TRHDE: variants seen among roughly 807,000 people sequenced by gnomAD.
The protein encoded by TRHDE is thyrotropin-releasing hormone-degrading ectoenzyme.
In TRHDE, 72 loss-of-function variants were observed where a neutral mutation model predicts 125.7. The ratio of observed to expected loss-of-function variants is 0.57; its 90% CI spans 0.47 to 0.70. The LOEUF is 0.70. Among genes scored for constraint, TRHDE ranks in the 30% least tolerant of loss-of-function variants. The probability of loss-of-function intolerance (pLI) is 0.00; values close to 1 mark genes in which losing one functional copy is unlikely to be tolerated. For missense variants in TRHDE, 1,110 were observed against 1,327.1 expected (o/e 0.84, Z 2.54); for synonymous variants, 509 against 509.1 (o/e 1.00, Z 0.00).
intron 12 of TRHDE, among the ~76,000 whole-genome samples, chr12:72,592,871 C>T (rs778047930): frequency 9.9e-5 from 15 of 152,088 alleles, no homozygotes; most frequent in South Asian, 2.1e-4. Context: ...CCACTATGCC[C>T]GGCTAATTTT....
intron 3 of TRHDE, among the ~76,000 whole-genome samples, chr12:72,384,096 A>C (rs1872311934): frequency 6.6e-6 from 1 of 152,230 alleles, no homozygotes; most frequent in Admixed American, 6.5e-5. Context: ...TAGGTGCACT[A>C]TAGTTAATTA....
At chr12:72,344,865 G>A (rs947816795) in intron 2 of TRHDE, among the ~76,000 whole-genome samples, 1 of 151,878 alleles carries the variant, frequency 6.6e-6, no homozygotes, top group African/African-American at 2.4e-5. Flanking sequence ...TGTCCCCTAG[G>A]GGCACACACT....
intron 7 of TRHDE, among the ~76,000 whole-genome samples, chr12:72,554,678 T>G (rs1170121518): frequency 1.3e-5 from 2 of 152,150 alleles, no homozygotes; most frequent in East Asian, 3.9e-4. Context: ...AAGCCCTTGA[T>G]CAGGATATTC....
rs1871487638 is a variant in TRHDE at position 72,587,450 on chromosome 12, GTAGA to G, written c.2321+11914_2321+11917del. On this transcript the variant is annotated intron_variant, in intron 12 of 18. Coordinates refer to ENST00000261180, the MANE Select transcript of TRHDE (RefSeq NM_013381.3). Reference sequence around the variant, plus strand: ...AGATAGATGATAGATTGGTAGTTACGTAGATAGATTAGATAGATAGATGATAGGC... The same window carrying G: ...AGATAGATGATAGATTGGTAGTTACGTAGATTAGATAGATAGATGATAGGC... Among the ~76,000 whole-genome samples, 4 of 152,142 alleles carry G rather than the reference GTAGA, an allele frequency of 2.6e-5. No individual in the cohort carries two copies. In the South Asian group the frequency reaches 6.2e-4, roughly 24 times the overall value.
chr12:72,090,815 G>A (rs1016179209), intron 1 of TRHDE, among the ~76,000 whole-genome samples: 1 of 151,530 alleles, frequency 6.6e-6, no homozygotes, highest in Non-Finnish European at 1.5e-5. Context: ...TGTTGTGCAT[G>A]TTTTATTTTT....
At chr12:72,392,145 TTTA>T (rs1421227443) in intron 3 of TRHDE, among the ~76,000 whole-genome samples, 2 of 152,164 alleles carry the variant, frequency 1.3e-5, no homozygotes, top group East Asian at 3.9e-4. Context: ...ATCTCACACT[TTTA>T]CCCTCTAGAA....
intron 2 of TRHDE, among the ~76,000 whole-genome samples, chr12:72,241,681 A>G (rs1592496812): frequency 1.3e-5 from 2 of 152,216 alleles, no homozygotes; most frequent in South Asian, 4.1e-4. Flanking sequence ...ATTAATGGCC[A>G]TAGAGTAAGT....
At chr12:72,346,444 G>C (rs773319174) in intron 2 of TRHDE, among the ~76,000 whole-genome samples, 1 of 150,462 alleles carries the variant, frequency 6.6e-6, no homozygotes, top group Admixed American at 6.7e-5. Flanking sequence ...ACATAGAGCT[G>C]TTGGGTCTGT....
At chr12:72,635,198 C>T (rs1043959637) in intron 15 of TRHDE, among the ~76,000 whole-genome samples, 1 of 151,994 alleles carries the variant, frequency 6.6e-6, no homozygotes, top group African/African-American at 2.4e-5. Flanking sequence ...GCCATTCTAA[C>T]TGGTGTGAGA....
chr12:72,456,757 A>G (rs2135878809), intron 3 of TRHDE, among the ~76,000 whole-genome samples: 1 of 152,268 alleles, frequency 6.6e-6, no homozygotes, highest in Admixed American at 6.5e-5. Flanking sequence ...TCCTTATAAA[A>G]TACAATTTAG....
intron 5 of TRHDE, among the ~76,000 whole-genome samples, chr12:72,485,105 TAG>T (rs886441431): frequency 6.6e-6 from 1 of 152,128 alleles, no homozygotes; most frequent in African/African-American, 2.4e-5. Context: ...TTTTTGCTAC[TAG>T]AGACTCCTTC....
chr12:72,272,613 A>G lies in TRHDE; in HGVS notation c.-31A>G. 1.2e-6 allele frequency: 1 copy of G among 851,716 alleles called. No homozygotes were observed. The highest frequency in any genetic ancestry group is 2.1e-5 in the South Asian group (1 of 48,096). 52.8% of individuals were successfully genotyped at this position (851,716 alleles called of 1,614,324 possible). On this transcript the variant is annotated 5_prime_UTR_variant, in exon 1 of 19. Coordinates refer to ENST00000261180, the MANE Select transcript of TRHDE (RefSeq NM_013381.3). The surrounding 1 kb of genome is among the most constrained non-coding windows in gnomAD (Gnocchi z 6.7). The stretch of plus-strand genomic sequence containing the variant: ...GTGGCCCGCCCGCGGGGGGTGCCAG[A>G]GGGGGCGGGGGAGGAGGAGGAGGCG...
At chr12:72,294,923 C>T (rs992895939) in intron 2 of TRHDE, among the ~76,000 whole-genome samples, 1 of 152,046 alleles carries the variant, frequency 6.6e-6, no homozygotes, top group Middle Eastern at 3.4e-3. Context: ...AGTGCTGTGA[C>T]AGCACTGGAG....
chr12:72,200,824 A>G (rs1216862257), intron 2 of TRHDE, among the ~76,000 whole-genome samples: 1 of 152,178 alleles, frequency 6.6e-6, no homozygotes, highest in East Asian at 1.9e-4. Context: ...AAACAAGCTT[A>G]TATAATACAG....
At chr12:72,532,562 T>A (rs1003775653) in intron 6 of TRHDE, among the ~76,000 whole-genome samples, 1 of 151,244 alleles carries the variant, frequency 6.6e-6, no homozygotes, top group Admixed American at 6.6e-5. Context: ...AATGGTCCCC[T>A]TCTTTTCCTA....
At chr12:72,625,391 A>C (rs1395187862) in intron 15 of TRHDE, among the ~76,000 whole-genome samples, 2 of 151,804 alleles carry the variant, frequency 1.3e-5, no homozygotes, top group Non-Finnish European at 1.5e-5. Context: ...AATACCCTGA[A>C]ACAACACAGC....
chr12:72,489,654 C>G (rs1877569495), intron 5 of TRHDE, among the ~76,000 whole-genome samples: 2 of 151,502 alleles, frequency 1.3e-5, no homozygotes, highest in South Asian at 4.2e-4. Flanking sequence ...ACACATAGAC[C>G]AGTGGAAAAG....
At chr12:72,139,924 A>G (rs1055897571) in intron 2 of TRHDE, among the ~76,000 whole-genome samples, 6 of 152,228 alleles carry the variant, frequency 3.9e-5, no homozygotes, top group African/African-American at 1.2e-4. Context: ...CGTTAACATT[A>G]AAACAAAAAC....
At chr12:72,539,045 A>G (rs911453902) in intron 6 of TRHDE, among the ~76,000 whole-genome samples, 1 of 151,904 alleles carries the variant, frequency 6.6e-6, no homozygotes, top group Non-Finnish European at 1.5e-5. Context: ...CATAAAGTCT[A>G]TTCCTGTCAT....
Sources: gnomAD v4.1 joint callset for allele counts (sites outside exome capture counted in the v4.1 genomes callset) on GRCh38, gnomAD v4.1.1 for gene constraint, Gnocchi (gnomAD v3.1) non-coding constraint, MANE v1.5 for transcripts, NCBI Gene and HGNC (gene_info 2026-07-23, HGNC 2026-07-21) for gene names.